The following SYT15B variants were observed in gnomAD, a reference collection of about 807,000 sequenced individuals.
The protein encoded by SYT15B is synaptotagmin-15.
the SYT15B span, among the ~76,000 whole-genome samples, chr10:47,749,672 A>AGG: frequency 7.1e-6 from 1 of 140,660 alleles, no homozygotes; most frequent in Non-Finnish European, 1.6e-5. Context: ...AACCAATGGT[A>AGG]GGGGGGGAAA....
At chr10:47,755,233 G>A in the SYT15B span, among the ~76,000 whole-genome samples, 1 of 151,318 alleles carries the variant, frequency 6.6e-6, no homozygotes, top group Non-Finnish European at 1.5e-5. Flanking sequence ...AGGATTATAG[G>A]CGTGAGCCAC....
chr10:47,747,086 A>G, the SYT15B span, among the ~76,000 whole-genome samples: 1 of 142,678 alleles, frequency 7.0e-6, no homozygotes, highest in Non-Finnish European at 1.5e-5. Context: ...TCAAAAGAAG[A>G]AAAACACAAG....
the SYT15B span, among the ~76,000 whole-genome samples, chr10:47,746,841 C>T: frequency 2.1e-5 from 2 of 93,802 alleles, no homozygotes; most frequent in African/African-American, 3.9e-5. Context: ...AGTAACTGTT[C>T]CCTCGTTGGC....
At chr10:47,758,001 G>C in the SYT15B span, 1 of 1,497,358 alleles carries the variant, frequency 6.7e-7, no homozygotes, top group Admixed American at 2.0e-5. Context: ...AAGGGGAAGA[G>C]CACCTGGCCC....
At chr10:47,747,223 G>T in the SYT15B span, among the ~76,000 whole-genome samples, 1 of 152,060 alleles carries the variant, frequency 6.6e-6, no homozygotes, top group African/African-American at 2.4e-5. Context: ...TCTTCAGCTG[G>T]AGAGACAAGA....
At chr10:47,761,102 G>GCGCA in the SYT15B span, among the ~76,000 whole-genome samples, 2 of 145,494 alleles carry the variant, frequency 1.4e-5, no homozygotes, top group Non-Finnish European at 3.0e-5. Context: ...ACACACACAC[G>GCGCA]CACACACACA....
the SYT15B span, among the ~76,000 whole-genome samples, chr10:47,747,949 T>C: frequency 0.016 from 2,493 of 151,540 alleles, 2 homozygotes; most frequent in Non-Finnish European, 0.026. Context: ...CTTTGAACTG[T>C]AATATAGGAC....
chr10:47,744,814 G>T, the SYT15B span, among the ~76,000 whole-genome samples: 1 of 151,888 alleles, frequency 6.6e-6, no homozygotes, highest in East Asian at 1.9e-4. Context: ...AAAATCTAGG[G>T]CATGTTCTGT....
chr10:47,755,199 C>A, the SYT15B span, among the ~76,000 whole-genome samples: 2 of 151,614 alleles, frequency 1.3e-5, 1 homozygote, highest in African/African-American at 4.9e-5. Flanking sequence ...TCGTAATCCA[C>A]CCCTCTCGGT....
At chr10:47,744,894 C>A in the SYT15B span, among the ~76,000 whole-genome samples, 2 of 151,972 alleles carry the variant, frequency 1.3e-5, no homozygotes, top group African/African-American at 2.4e-5. Flanking sequence ...TGTCCTGTAA[C>A]TTCTAGCTAT....
the SYT15B span, among the ~76,000 whole-genome samples, chr10:47,747,882 G>A: frequency 1.3e-5 from 2 of 151,838 alleles, no homozygotes; most frequent in African/African-American, 4.8e-5. Context: ...TACAATAATT[G>A]AAATTAACTA....
the SYT15B span, chr10:47,751,088 C>T: frequency 6.6e-6 from 1 of 151,434 alleles, no homozygotes; most frequent in East Asian, 2.0e-4. Flanking sequence ...CCTATAACAA[C>T]CATCAAACTT....
At chr10:47,746,724 G>A in the SYT15B span, among the ~76,000 whole-genome samples, 1 of 133,938 alleles carries the variant, frequency 7.5e-6, no homozygotes, top group African/African-American at 2.7e-5. Context: ...ACCACCTCCA[G>A]CCAACCCACA....
At chr10:47,748,079 A>C in the SYT15B span, among the ~76,000 whole-genome samples, 1 of 152,164 alleles carries the variant, frequency 6.6e-6, no homozygotes, top group African/African-American at 2.4e-5. Context: ...GAGTCTTAGA[A>C]GGGAGGAAGA....
chr10:47,753,391 A>G, the SYT15B span: 1 of 62,286 alleles, frequency 1.6e-5, no homozygotes, highest in Non-Finnish European at 3.2e-5. Context: ...CCTGTGGGCT[A>G]TACCATAGCC....
the SYT15B span, among the ~76,000 whole-genome samples, chr10:47,749,696 AT>A: frequency 1.3e-4 from 20 of 151,426 alleles, no homozygotes; most frequent in Non-Finnish European, 2.8e-4. Flanking sequence ...AATTAAAAAA[AT>A]AATCAGAAAG....
At chr10:47,756,531 C>T in the SYT15B span, among the ~76,000 whole-genome samples, 1 of 136,672 alleles carries the variant, frequency 7.3e-6, no homozygotes, top group Admixed American at 7.3e-5. Flanking sequence ...TGGGGGGCTG[C>T]TCACTGGGCC....
chr10:47,760,622 TG>T, the SYT15B span, among the ~76,000 whole-genome samples: 2 of 151,022 alleles, frequency 1.3e-5, no homozygotes, highest in Non-Finnish European at 2.9e-5. Flanking sequence ...CCTCATGGGG[TG>T]CAGCAAGCAC....
the SYT15B span, among the ~76,000 whole-genome samples, chr10:47,745,370 T>C: frequency 1.5e-4 from 23 of 149,300 alleles, no homozygotes; most frequent in African/African-American, 5.4e-4. Context: ...ATTTCCCTGA[T>C]AGTCTTATGA....
Sources: allele counts gnomAD v4.1 joint callset (sites outside exome capture counted in the v4.1 genomes callset), GRCh38; gene constraint gnomAD v4.1.1; transcripts MANE v1.5; gene names NCBI Gene and HGNC (gene_info 2026-07-23, HGNC 2026-07-21).